LRPPRC: variants seen among roughly 807,000 people sequenced by gnomAD.
The protein encoded by LRPPRC is leucine rich pentatricopeptide repeat containing, also known as leucine-rich PPR motif-containing protein, mitochondrial.
In LRPPRC, 120 loss-of-function variants were observed where a neutral mutation model predicts 180.3. The ratio of observed to expected loss-of-function variants is 0.67; its 90% confidence interval spans 0.57 to 0.77. The LOEUF is 0.77. LRPPRC is among the 30% of genes least tolerant of loss of function. The pLI is 0.00. For synonymous variants in LRPPRC, 723 were observed against 600.0 expected, an observed-to-expected ratio of 1.21 and a Z score of -3.00; for missense variants, 2,012 against 1,657.2, an observed-to-expected ratio of 1.21 and a Z score of -3.72.
rs7572110 is a variant in LRPPRC, at chr2:43,919,363, C to T, written c.2897-965G>A. On this transcript the variant is annotated intron_variant, in intron 27 of 37. Transcript: ENST00000260665. ...GCTGTGGTGTGTACTAAAATGATTG[C>T]AAGTGTGTAATTCTCTTTACAAGTG... is the stretch of plus-strand genomic sequence containing the variant. 7.8e-3 allele frequency among the ~76,000 whole-genome samples: 1,189 copies of T among 152,260 alleles called. 18 individuals carry two copies. Among genetic ancestry groups the T allele is most frequent in the African/African-American group, 0.028 (1,143 of 41,546 alleles).
intron 11 of LRPPRC, among the ~76,000 whole-genome samples, chr2:43,970,396 T>C (rs1673752120): frequency 6.6e-6 from 1 of 152,168 alleles, no homozygotes; most frequent in Non-Finnish European, 1.5e-5. Context: ...TCAGTAACTA[T>C]AGTCAGATGG....
At chr2:43,917,993 C>CCA in intron 29 of LRPPRC, 32 bp downstream of exon 29, 1 of 1,425,134 alleles carries the variant, frequency 7.0e-7, no homozygotes, top group Non-Finnish European at 9.9e-7. Flanking sequence ...GACCACCCCC[C>CCA]CACACACACC....
At position 43,973,864 on chromosome 2, in the gene LRPPRC, T is replaced by C; in HGVS notation, c.1192A>G (p.Lys398Glu). ...EKLTDYCKKL[K>E]EVQMHSFPLQ... ...GGAAAGGAGTGCATCTGGACTTCCT[T>C]TAACTTCTTACAGTAGTCTGTTAGC... The change falls in exon 10 of 38, where the codon AAG becomes GAG. Residue 398 changes from lysine (K) to glutamate (E), a missense_variant. Lys to Glu is a moderately conservative substitution (Grantham distance 56). Transcript: ENST00000260665. 6.2e-7 allele frequency: 1 copy of C among 1,613,470 alleles called. No homozygotes were observed. The highest frequency in any genetic ancestry group is 8.5e-7 in the Non-Finnish European group (1 of 1,179,534).
intron 11 of LRPPRC, among the ~76,000 whole-genome samples, chr2:43,969,169 T>C (rs1419083227): frequency 6.6e-6 from 1 of 152,100 alleles, no homozygotes; most frequent in Non-Finnish European, 1.5e-5. Flanking sequence ...TCCCAGCACT[T>C]TGGGAGGCCG....
In LRPPRC at chr2:43,912,419, G is replaced by A. The variant is rs1463464209; in HGVS notation, c.3275+13C>T. 6.2e-7 allele frequency: 1 copy of A among 1,606,466 alleles called. No homozygotes were observed. Among genetic ancestry groups the A allele is most frequent in the Non-Finnish European group, 8.5e-7 (1 of 1,173,578 alleles). ...TTTTAAACAAGAGGTTTAATAAATGGACTAACACTTACAATGCTTTCACTT... is the reference window on the plus strand; with the variant it reads ...TTTTAAACAAGAGGTTTAATAAATGAACTAACACTTACAATGCTTTCACTT... On this transcript the variant is annotated intron_variant, in intron 30 of 37. Transcript: ENST00000260665.
chr2:43,936,799 G>A (rs1672293806), intron 23 of LRPPRC, among the ~76,000 whole-genome samples: 1 of 152,082 alleles, frequency 6.6e-6, no homozygotes, highest in South Asian at 2.1e-4. Context: ...TAAATTACAG[G>A]TTAATTTCAA....
At chr2:43,951,385 A>G (rs1044017151) in intron 14 of LRPPRC, among the ~76,000 whole-genome samples, 7 of 152,208 alleles carry the variant, frequency 4.6e-5, no homozygotes, top group African/African-American at 7.2e-5. Flanking sequence ...GTAGAGAACA[A>G]TCAGAGTTTG....
intron 1 of LRPPRC, among the ~76,000 whole-genome samples, chr2:43,983,658 A>G (rs1052898219): frequency 6.6e-6 from 1 of 152,188 alleles, no homozygotes; most frequent in African/African-American, 2.4e-5. Context: ...AACTAAGTAT[A>G]ATATAATCAC....
At chr2:43,902,671 C>T (rs1006533540) in intron 31 of LRPPRC, 6 of 151,962 alleles carry the variant, frequency 3.9e-5, no homozygotes, top group Admixed American at 6.6e-5. Context: ...TTTAAAAATA[C>T]ACATGCACAT....
rs1673966175 is a variant in LRPPRC, at chr2:43,974,611, T to C, written c.1009+3A>G. ...TCATGTAAATAGATTTTTTTAAAAC[T>C]ACCTGGAATATATCTTCTTTCACAT... On this transcript the variant is annotated splice_donor_region_variant and intron_variant, in intron 8 of 37. Transcript: ENST00000260665. The C allele has an allele frequency of 3.2e-6, 5 of 1,563,098 alleles. No homozygotes were observed. In the East Asian group the frequency reaches 1.1e-4, roughly 35 times the overall value.
chr2:43,967,990 A>C (rs995166636), intron 11 of LRPPRC, among the ~76,000 whole-genome samples: 1 of 152,040 alleles, frequency 6.6e-6, no homozygotes, highest in Non-Finnish European at 1.5e-5. Context: ...ATTTGTGTTA[A>C]TCTTATGTCC....
At chr2:43,961,710 C>T (rs1673353869) in intron 12 of LRPPRC, among the ~76,000 whole-genome samples, 1 of 152,168 alleles carries the variant, frequency 6.6e-6, no homozygotes, top group African/African-American at 2.4e-5. Context: ...CCTGCAATGC[C>T]AGCATTTTGC....
At chr2:43,951,605 T>C (rs1217991571) in intron 14 of LRPPRC, among the ~76,000 whole-genome samples, 1 of 152,154 alleles carries the variant, frequency 6.6e-6, no homozygotes, top group Non-Finnish European at 1.5e-5. Context: ...TATGGGTAGA[T>C]GACAAAGATC....
At position 43,975,173 on chromosome 2, in the gene LRPPRC, G is replaced by A. The variant is rs1408057321; in HGVS notation, c.782C>T (p.Ala261Val). The A allele has an allele frequency of 3.7e-6, 6 of 1,613,034 alleles. No individual in the cohort carries two copies. The highest frequency in any genetic ancestry group is 2.7e-5 in the African/African-American group (2 of 74,892). The change falls in exon 7 of 38, where the codon GCC becomes GTC. Residue 261 changes from alanine (A) to valine (V), a missense_variant. By Grantham distance (64) the Ala-to-Val change is moderately conservative. Transcript: ENST00000260665. Reference sequence around the variant, plus strand: ...TGTGTCTGGACCAGGCTCAATTCCGGCATCTCTCATCACTGTGAGAATGTT... The same window carrying A: ...TGTGTCTGGACCAGGCTCAATTCCGACATCTCTCATCACTGTGAGAATGTT... ...AENILTVMRD[A>V]GIEPGPDTYL...
At chr2:43,917,953 G>A (rs1251626965) in intron 29 of LRPPRC, 72 bp downstream of exon 29, 4 of 1,051,092 alleles carry the variant, frequency 3.8e-6, no homozygotes, top group Non-Finnish European at 5.9e-6. Flanking sequence ...AATTGGTTGG[G>A]CTTACACCCC....
chr2:43,918,048 G>C lies in LRPPRC; in HGVS notation c.3125C>G (p.Ala1042Gly), dbSNP rs776821061. The part of the protein sequence containing the change: ...EPDFQKDILI[A>G]CRLNQKKGAY... ...GCCTTTTTTTTGGTTCAATCGGCAG[G>C]CAATCAATATATCTTTCTGGAAATC... Residue 1042 changes from alanine (A) to glycine (G), a missense_variant, in exon 29 of 38, where the codon GCC becomes GGC. Transcript: ENST00000260665. The C allele has an allele frequency of 6.2e-7, 1 of 1,612,452 alleles. No individual in the cohort carries two copies. The highest frequency in any genetic ancestry group is 1.1e-5 in the South Asian group (1 of 91,018).
At chr2:43,968,581 G>C (rs1178949402) in intron 11 of LRPPRC, among the ~76,000 whole-genome samples, 2 of 152,172 alleles carry the variant, frequency 1.3e-5, no homozygotes, top group Non-Finnish European at 2.9e-5. Context: ...TCTACATAAA[G>C]AAAGCTGAAA....
intron 23 of LRPPRC, 46 bp from the exon 24 acceptor site, chr2:43,934,924 G>C: frequency 1.3e-6 from 2 of 1,545,320 alleles, no homozygotes; most frequent in Admixed American, 3.4e-5. Flanking sequence ...ATCGAATTCA[G>C]CTTAGTCTCT....
chr2:43,975,785 G>A (rs997463450), intron 6 of LRPPRC, among the ~76,000 whole-genome samples: 2 of 151,940 alleles, frequency 1.3e-5, no homozygotes, highest in Non-Finnish European at 2.9e-5. Flanking sequence ...GTTTCACCAT[G>A]TTGGCCAAGC....
Sources: gnomAD v4.1 joint callset for allele counts (sites outside exome capture counted in the v4.1 genomes callset) on GRCh38, gnomAD v4.1.1 for gene constraint, MANE v1.5 for transcripts, NCBI Gene and HGNC (gene_info 2026-07-23, HGNC 2026-07-21) for gene names.